Variants in CSDE1 observed in about 807,000 individuals in gnomAD.
CSDE1 encodes the protein cold shock domain-containing protein E1.
In CSDE1, 17 loss-of-function variants were observed where a neutral mutation model predicts 89.3. The ratio of observed to expected loss-of-function variants is 0.19; its 90% CI spans 0.13 to 0.29. The LOEUF (loss-of-function observed/expected upper bound fraction) is 0.29. Ranked by LOEUF, CSDE1 falls within the 10% of genes least tolerant of loss-of-function variation. The pLI is 1.00. For synonymous variants in CSDE1, 322 were observed against 332.8 expected (o/e 0.97, Z 0.35); for missense variants, 672 against 984.2 (o/e 0.68, Z 4.24).
intron 9 of CSDE1, 56 bp downstream of exon 9, chr1:114,733,676 A>G (rs1660234722): frequency 9.4e-6 from 14 of 1,494,450 alleles, no homozygotes; most frequent in Non-Finnish European, 1.3e-5. Context: ...ATACCACACC[A>G]TATTATTCTA....
intron 13 of CSDE1, among the ~76,000 whole-genome samples, chr1:114,726,607 T>C (rs981644717): frequency 1.3e-5 from 2 of 152,262 alleles, no homozygotes; most frequent in African/African-American, 4.8e-5. Context: ...TTATAGATTC[T>C]GAATTTCTCT....
rs748119112 is a variant in CSDE1, at chr1:114,734,487, C to T, written c.537G>A (p.Leu179=). ...CCTGACAGCGGGCTTGTTTCTTTTT[C>T]AACAGCATAATGTTGCGAGCACTTA... is the stretch of plus-strand genomic sequence containing the variant. The part of the protein sequence containing the change: ...GAVSARNIML[L]KKKQARCQGV... The change falls in exon 7 of 20, where the codon TTG becomes TTA. Residue 179 remains leucine, a synonymous_variant. Coordinates refer to ENST00000358528, the MANE Select transcript of CSDE1 (RefSeq NM_001007553.3). 6.2e-7 allele frequency: 1 copy of T among 1,612,684 alleles called. No individual in the cohort carries two copies. The highest frequency in any genetic ancestry group is 8.5e-7 in the Non-Finnish European group (1 of 1,179,614).
At chr1:114,757,417 C>G (rs1465388971) in intron 1 of CSDE1, among the ~76,000 whole-genome samples, 1 of 152,148 alleles carries the variant, frequency 6.6e-6, no homozygotes, top group Non-Finnish European at 1.5e-5. Context: ...CAGGAAACTA[C>G]AGGGTCCAGA....
At position 114,739,508 on chromosome 1, in the gene CSDE1, T is replaced by C. The variant is rs534768631; in HGVS notation, c.199+184A>G. On this transcript the variant is annotated intron_variant, in intron 3 of 19. Transcript: ENST00000358528. ...AAATCTTCCAAGCATTTATTGTAAA[T>C]ATATGCAAATATAATCTTTCAAGGA... 2.6e-5 allele frequency among the ~76,000 whole-genome samples: 4 copies of C among 152,362 alleles called. No individual in the cohort carries two copies. In the East Asian group the frequency reaches 7.7e-4, roughly 29 times the overall value.
In CSDE1 at chr1:114,726,332, C is replaced by A. The variant is rs1298303302; in HGVS notation, c.1519G>T (p.Val507Leu). Residue 507 changes from valine (V) to leucine (L), a missense_variant, in exon 14 of 20, where the codon GTG (valine) becomes TTG (leucine). Physicochemically the swap from Val to Leu is conservative, Grantham distance 32. Coordinates refer to ENST00000358528, the MANE Select transcript of CSDE1 (RefSeq NM_001007553.3). Reference protein sequence around the residue: ...QRPGQQVATCVRLLGRNSNSK... With the variant: ...QRPGQQVATCLRLLGRNSNSK... ...TTAGAATTACGACCTAAAAGTCGCA[C>A]ACAAGTTGCAACCTGCTGTCCAGGC... The A allele has an allele frequency of 6.2e-7, 1 of 1,613,874 alleles. No individual in the cohort carries two copies. The highest frequency in any genetic ancestry group is 1.1e-5 in the South Asian group (1 of 90,970).
At chr1:114,757,208 T>C (rs965460491) in intron 1 of CSDE1, among the ~76,000 whole-genome samples, 1 of 152,168 alleles carries the variant, frequency 6.6e-6, no homozygotes, top group Non-Finnish European at 1.5e-5. Flanking sequence ...GGTTGGGTGC[T>C]GAGACCCTGC....
At chr1:114,733,308 G>A (rs1216839915) in intron 9 of CSDE1, among the ~76,000 whole-genome samples, 2 of 151,968 alleles carry the variant, frequency 1.3e-5, no homozygotes, top group Non-Finnish European at 2.9e-5. Context: ...TGGACAGATC[G>A]CAAGGTCAAG....
chr1:114,726,130 A>G (rs1659782465), intron 14 of CSDE1, 81 bp downstream of exon 14: 5 of 1,354,430 alleles, frequency 3.7e-6, no homozygotes, highest in Non-Finnish European at 5.0e-6. Context: ...AGTATAATCA[A>G]TCAATACTAA....
chr1:114,738,055 C>T lies in CSDE1; in HGVS notation c.217G>A (p.Val73Ile). ...TTCCCAGTCCGTCGGTCCGATGATA[C>T]TTCAAATTCAACATCATCTAAAAAT... ...LKVGDDVEFE[V>I]SSDRRTGKPI... Residue 73 changes from valine (V) to isoleucine (I), a missense_variant, in exon 4 of 20, where the codon GTA becomes ATA. Transcript: ENST00000358528. 6.2e-7 allele frequency: 1 copy of T among 1,613,384 alleles called. No individual in the cohort carries two copies.
chr1:114,720,919 A>G (rs1659483793), intron 16 of CSDE1, among the ~76,000 whole-genome samples: 1 of 152,236 alleles, frequency 6.6e-6, no homozygotes, highest in African/African-American at 2.4e-5. Context: ...AGAATGTCAC[A>G]GCTCCCATCA....
chr1:114,730,692 G>A (rs746341876), intron 10 of CSDE1, 44 bp from the exon 11 acceptor site: 2 of 1,606,294 alleles, frequency 1.2e-6, no homozygotes, highest in South Asian at 2.2e-5. Flanking sequence ...AACTTGTCAA[G>A]AAGGCAACAT....
Position 114,718,087 on chromosome 1 carries a change from G to T in CSDE1, c.*82C>A. 2.8e-6 allele frequency: 4 copies of T among 1,429,212 alleles called. No homozygotes were observed. The highest frequency in any genetic ancestry group is 3.4e-5 in the Admixed American group (2 of 58,836). The allele number at this position is 1,429,212 out of a possible 1,614,324, so 88.5% of individuals were successfully genotyped here. ...AAGTATTCCAGATTTCGGGAGGGAT[G>T]AAGAGGGAGATATTCAGAACCCTTC... On this transcript the variant is annotated 3_prime_UTR_variant, in exon 20 of 20. Transcript: ENST00000358528.
chr1:114,754,057 T>C (rs1428656184), intron 1 of CSDE1, among the ~76,000 whole-genome samples: 1 of 152,220 alleles, frequency 6.6e-6, no homozygotes, highest in South Asian at 2.1e-4. Flanking sequence ...GTATTATTAC[T>C]TAATCACTGC....
At chr1:114,757,285 T>C (rs948317677) in intron 1 of CSDE1, among the ~76,000 whole-genome samples, 3 of 152,026 alleles carry the variant, frequency 2.0e-5, no homozygotes, top group South Asian at 2.1e-4. Flanking sequence ...TGGGGAAAGG[T>C]GTCTTTAAAC....
Position 114,732,772 on chromosome 1 carries a change from A to G in CSDE1, c.882T>C (p.Pro294=), listed in dbSNP as rs759402017. 1 of 1,614,210 alleles carries G rather than the reference A, an allele frequency of 6.2e-7. No homozygotes were observed. The highest frequency in any genetic ancestry group is 8.5e-7 in the Non-Finnish European group (1 of 1,180,026). The change falls in exon 10 of 20, where the codon CCT becomes CCC. Residue 294 remains proline, a synonymous_variant. Transcript: ENST00000358528. ...CTTTGTCTCCAAAGGGAAGTTCTTT[A>G]GGGATCACAAAGTCAACTTTGATGC... The part of the protein sequence containing the change: ...PGRIKVDFVI[P]KELPFGDKDT...
intron 4 of CSDE1, 73 bp from the exon 5 acceptor site, chr1:114,737,636 T>A: frequency 1.8e-6 from 2 of 1,114,196 alleles, no homozygotes; most frequent in Non-Finnish European, 2.7e-6. Flanking sequence ...TAAACTGAAT[T>A]TTAATATCCT....
chr1:114,719,840 G>A, intron 17 of CSDE1, 98 bp from the exon 18 acceptor site: 3 of 1,225,310 alleles, frequency 2.4e-6, no homozygotes, highest in Non-Finnish European at 3.4e-6. Context: ...TATAAAACAT[G>A]GTATTAATGT....
chr1:114,733,081 C>G (rs1399698279), intron 9 of CSDE1, among the ~76,000 whole-genome samples: 1 of 152,174 alleles, frequency 6.6e-6, no homozygotes, highest in Non-Finnish European at 1.5e-5. Flanking sequence ...AATGACACCA[C>G]TTGTGTCCTC....
intron 2 of CSDE1, among the ~76,000 whole-genome samples, chr1:114,743,655 C>A (rs1344532370): frequency 6.6e-6 from 1 of 152,204 alleles, no homozygotes; most frequent in East Asian, 1.9e-4. Flanking sequence ...TCCTCTTTTT[C>A]TCACCCAAAG....
Sources: allele counts gnomAD v4.1 joint callset (sites outside exome capture counted in the v4.1 genomes callset), GRCh38; gene constraint gnomAD v4.1.1; transcripts MANE v1.5; gene names NCBI Gene and HGNC (gene_info 2026-07-23, HGNC 2026-07-21).